DMXL1: variants seen among roughly 807,000 people sequenced by gnomAD.
DMXL1 encodes Dmx like 1, also known as dmX-like protein 1.
DMXL1 carries 99 observed loss-of-function variants against 319.2 expected under a neutral mutation model. The observed-to-expected ratio is 0.31, with a 90% CI of 0.26 to 0.37. The LOEUF (loss-of-function observed/expected upper bound fraction) is 0.37, where lower values mean the gene tolerates loss of function less well. Ranked by LOEUF, DMXL1 falls within the 10% of genes least tolerant of loss-of-function variation. The probability of loss-of-function intolerance (pLI) is 1.00; values close to 1 mark genes in which losing one functional copy is unlikely to be tolerated. For missense variants in DMXL1, 3,745 were observed against 3,595.6 expected, an observed-to-expected ratio of 1.04 and a Z score of -1.06; for synonymous variants, 1,385 against 1,235.2, an observed-to-expected ratio of 1.12 and a Z score of -2.54.
At position 119,118,810 on chromosome 5, in the gene DMXL1, C is replaced by T. The variant is rs1352267674; in HGVS notation, c.744-5C>T. Reference sequence around the variant, plus strand: ...TTTTGCTTCTAAAATCTTTTCATTCCTTAGGGCTTCTGTATGTAATGTACT... The same window carrying T: ...TTTTGCTTCTAAAATCTTTTCATTCTTTAGGGCTTCTGTATGTAATGTACT... On this transcript the variant is annotated splice_polypyrimidine_tract_variant and splice_region_variant and intron_variant, in intron 7 of 43. Transcript: ENST00000539542. 7.6e-6 allele frequency: 12 copies of T among 1,581,266 alleles called. No homozygotes were observed. Among genetic ancestry groups the T allele is most frequent in the Non-Finnish European group, 1.0e-5 (12 of 1,166,770 alleles).
intron 40 of DMXL1, 53 bp from the exon 41 acceptor site, chr5:119,238,936 G>C (rs1370276772): frequency 1.2e-6 from 2 of 1,602,774 alleles, no homozygotes; most frequent in African/African-American, 1.3e-5. Context: ...CATTTACCTG[G>C]TTATGACATT....
chr5:119,145,107 A>G (rs1250607399), intron 15 of DMXL1, among the ~76,000 whole-genome samples: 1 of 151,870 alleles, frequency 6.6e-6, no homozygotes, highest in East Asian at 1.9e-4. Flanking sequence ...CACACTGAGT[A>G]AAATAAAGCT....
In DMXL1 at chr5:119,247,564, G is replaced by C. The variant is rs1455708491; in HGVS notation, c.*345G>C. On this transcript the variant is annotated 3_prime_UTR_variant, in exon 44 of 44. Transcript: ENST00000539542. Reference sequence around the variant, plus strand: ...CTTCCACAGTAAAAATACGTTTTTTGTAAAGGCAATTGTACATAATACTCA... The same window carrying C: ...CTTCCACAGTAAAAATACGTTTTTTCTAAAGGCAATTGTACATAATACTCA... 2 of 163,890 alleles carry C rather than the reference G, an allele frequency of 1.2e-5. No individual in the cohort carries two copies. The highest frequency in any genetic ancestry group is 4.8e-5 in the African/African-American group (2 of 41,756). 10.2% of individuals were successfully genotyped at this position (163,890 alleles called of 1,614,324 possible).
At chr5:119,163,010 C>G (rs1431763056) in intron 19 of DMXL1, among the ~76,000 whole-genome samples, 1 of 152,038 alleles carries the variant, frequency 6.6e-6, no homozygotes, top group Non-Finnish European at 1.5e-5. Context: ...TAATGCTAAA[C>G]AAAATGTATT....
chr5:119,206,989 C>T (rs1202206739), intron 34 of DMXL1, 93 bp downstream of exon 34: 10 of 719,458 alleles, frequency 1.4e-5, no homozygotes, highest in African/African-American at 1.1e-4. Context: ...TCTTTGTTTC[C>T]AATGGATTTA....
chr5:119,096,012 C>A (rs1302161328), intron 1 of DMXL1, among the ~76,000 whole-genome samples: 1 of 152,132 alleles, frequency 6.6e-6, no homozygotes, highest in Non-Finnish European at 1.5e-5. Context: ...GGTTCTGAAG[C>A]CCCACTCTGC....
At position 119,146,902 on chromosome 5, in the gene DMXL1, C is replaced by G. The variant is rs1397088631; in HGVS notation, c.2635C>G (p.Arg879Gly). ...TGTAATAGAATGCACTCAAGACAAC[C>G]GTTCACTGTTACACATGTGGAATTT... ...LIVIECTQDNRSLLHMWNLHL... is the reference protein window; with the variant it reads ...LIVIECTQDNGSLLHMWNLHL... Residue 879 changes from arginine to glycine, a missense_variant, in exon 16 of 44, where the codon CGT (arginine) becomes GGT (glycine). Physicochemically the swap from Arg to Gly is moderately radical, Grantham distance 125 (BLOSUM62 -2). This residue lies in a region of DMXL1 where 2,096 missense variants were observed against 1,985.4 expected (regional missense o/e 1.06). Transcript: ENST00000539542. The G allele has an allele frequency of 1.2e-6, 2 of 1,611,394 alleles. No homozygotes were observed. Among genetic ancestry groups the G allele is most frequent in the Non-Finnish European group, 1.7e-6 (2 of 1,178,374 alleles).
rs551171492 is a variant in DMXL1, at chr5:119,198,345, A to G, written c.7745+389A>G. 3.9e-5 allele frequency among the ~76,000 whole-genome samples: 6 copies of G among 152,272 alleles called. No homozygotes were observed. In the South Asian group the frequency reaches 1.2e-3, roughly 32 times the overall value. On this transcript the variant is annotated intron_variant, in intron 32 of 43. Coordinates refer to ENST00000539542, the MANE Select transcript of DMXL1 (RefSeq NM_001290321.3). ...TTTTGTGCTGTACATTCTTGTCATAACTACTCAACCCTGCCATTGTAGAAT... is the reference window on the plus strand; with the variant it reads ...TTTTGTGCTGTACATTCTTGTCATAGCTACTCAACCCTGCCATTGTAGAAT...
intron 15 of DMXL1, among the ~76,000 whole-genome samples, chr5:119,145,195 T>C (rs1580998796): frequency 6.6e-6 from 1 of 151,818 alleles, no homozygotes; most frequent in Non-Finnish European, 1.5e-5. Flanking sequence ...CACAATCTTA[T>C]AAATCAATTA....
chr5:119,205,654 G>A (rs1020847238), intron 33 of DMXL1, among the ~76,000 whole-genome samples: 1 of 151,820 alleles, frequency 6.6e-6, no homozygotes, highest in Non-Finnish European at 1.5e-5. Context: ...TTATTGCTTT[G>A]TTGTTTTATT....
chr5:119,136,983 C>T (rs1253183481), intron 13 of DMXL1, among the ~76,000 whole-genome samples: 2 of 152,220 alleles, frequency 1.3e-5, no homozygotes, highest in African/African-American at 4.8e-5. Flanking sequence ...CCATCATCCT[C>T]CAGACCCCAA....
chr5:119,167,966 A>C (rs1338937560), intron 23 of DMXL1, 102 bp downstream of exon 23: 1 of 1,124,918 alleles, frequency 8.9e-7, no homozygotes, highest in Non-Finnish European at 1.2e-6. Context: ...AAACAAATTG[A>C]ATTCATGGTC....
intron 34 of DMXL1, among the ~76,000 whole-genome samples, chr5:119,212,594 C>G (rs1444098419): frequency 6.6e-6 from 1 of 152,014 alleles, no homozygotes; most frequent in African/African-American, 2.4e-5. Flanking sequence ...TATAGCAATT[C>G]TGTGTTTAGT....
intron 9 of DMXL1, among the ~76,000 whole-genome samples, chr5:119,122,004 C>T (rs1262965444): frequency 6.9e-6 from 1 of 144,082 alleles, no homozygotes; most frequent in Non-Finnish European, 1.5e-5. Flanking sequence ...AGGCGCCCCT[C>T]ACCTCCCGGA....
At chr5:119,086,416 A>G (rs1753376741) in intron 1 of DMXL1, among the ~76,000 whole-genome samples, 1 of 152,142 alleles carries the variant, frequency 6.6e-6, no homozygotes. Context: ...ATGGTGAATG[A>G]TCTTTTAATG....
At position 119,134,118 on chromosome 5, in the gene DMXL1, C is replaced by T. The variant is rs1305789409; in HGVS notation, c.2194C>T (p.His732Tyr). ...TGAGCTTGCCCGGATTAATTCTCTT[C>T]ATGTTTCTGCCTTTTCCAATGTGGC... ...VSELARINSL[H>Y]VSAFSNVAWL... Residue 732 changes from histidine to tyrosine, a missense_variant, in exon 12 of 44, where the codon CAT becomes TAT. Around this residue, in one of 4 missense-constraint regions of DMXL1, gnomAD observed 2,096 missense variants for 1,985.4 expected, o/e 1.06. Transcript: ENST00000539542. 2 of 1,614,032 alleles carry T rather than the reference C, an allele frequency of 1.2e-6. No individual in the cohort carries two copies. The highest frequency in any genetic ancestry group is 1.6e-4 in the Middle Eastern group (1 of 6,062).
intron 1 of DMXL1, among the ~76,000 whole-genome samples, chr5:119,079,428 C>G (rs1010008772): frequency 6.6e-6 from 1 of 152,136 alleles, no homozygotes; most frequent in African/African-American, 2.4e-5. Context: ...TTTTTCTTTC[C>G]AGAGTTTCTA....
At chr5:119,217,847 A>T (rs544067276) in intron 35 of DMXL1, among the ~76,000 whole-genome samples, 101 of 152,080 alleles carry the variant, frequency 6.6e-4, no homozygotes, top group African/African-American at 2.3e-3. Context: ...TTTCTGTGCT[A>T]TGTCTGTCTT....
chr5:119,090,366 G>T (rs1430567300), intron 1 of DMXL1, among the ~76,000 whole-genome samples: 15 of 151,572 alleles, frequency 9.9e-5, no homozygotes, highest in Non-Finnish European at 1.5e-5. Context: ...GGGGTTTTTT[G>T]GCCTTTGTCT....
Sources: allele counts gnomAD v4.1 joint callset (sites outside exome capture counted in the v4.1 genomes callset), GRCh38; gene constraint gnomAD v4.1.1; regional missense constraint gnomAD v4.1.1; transcripts MANE v1.5; gene names NCBI Gene and HGNC (gene_info 2026-07-23, HGNC 2026-07-21).